The following PTPRD variants were observed in gnomAD, a reference collection of about 807,000 sequenced individuals.
PTPRD encodes the protein receptor-type tyrosine-protein phosphatase delta.
Under a neutral mutation model 214.5 loss-of-function variants are expected in PTPRD, and 34 were observed. That is an observed-to-expected ratio of 0.16 (90% CI 0.12 to 0.21). The LOEUF is 0.21. Among genes scored for constraint, PTPRD ranks in the 10% least tolerant of loss-of-function variants. The pLI is 1.00. For missense variants in PTPRD, 2,545 were observed against 2,398.7 expected, an observed-to-expected ratio of 1.06 and a Z score of -1.27; for synonymous variants, 1,128 against 845.7, an observed-to-expected ratio of 1.33 and a Z score of -5.79.
In PTPRD at chr9:8,314,567, G is replaced by C. The variant is rs1820883433; in HGVS notation, c.*3307C>G. The C allele has an allele frequency of 1.3e-5, 3 of 232,050 alleles. No homozygotes were observed. The highest frequency in any genetic ancestry group is 2.2e-5 in the African/African-American group (1 of 45,204). The allele number at this position is 232,050 out of a possible 1,614,324, so 14.4% of individuals were successfully genotyped here. A position where few individuals can be genotyped will look rare whatever the true frequency, so the allele number is the denominator to read the frequency against. On this transcript the variant is annotated 3_prime_UTR_variant, in exon 46 of 46. Coordinates refer to ENST00000381196, the MANE Select transcript of PTPRD (RefSeq NM_002839.4). Reference sequence around the variant, plus strand: ...AGCCACATAACGGATGGATAGAATGGATCTGTAGCCTTCTGATCTCTGCTG... The same window carrying C: ...AGCCACATAACGGATGGATAGAATGCATCTGTAGCCTTCTGATCTCTGCTG...
At chr9:9,633,293 C>T (rs149833321) in intron 7 of PTPRD, among the ~76,000 whole-genome samples, 18 of 151,134 alleles carry the variant, frequency 1.2e-4, no homozygotes, top group African/African-American at 4.1e-4. Context: ...GAGAGTGAGA[C>T]TCCATCTCAG....
chr9:9,868,343 T>A (rs1215577990), intron 5 of PTPRD, among the ~76,000 whole-genome samples: 2 of 152,048 alleles, frequency 1.3e-5, no homozygotes, highest in Admixed American at 1.3e-4. Context: ...TTAAATACAG[T>A]CCAAAATGCT....
In PTPRD at chr9:8,325,439, C is replaced by T. The variant is rs192282425; in HGVS notation, c.5535-5473G>A. Among the ~76,000 whole-genome samples the T allele has an allele frequency of 8.5e-4, 126 of 148,766 alleles. 2 individuals carry two copies. In the East Asian group the frequency reaches 0.018, roughly 21 times the overall value. On this transcript the variant is annotated intron_variant, in intron 44 of 45. Transcript: ENST00000381196. Reference sequence around the variant, plus strand: ...TTACTTCTGAGGCCTCTGTTCTGTTCCATTGGTCTATATCTCTGTTTTGGT... The same window carrying T: ...TTACTTCTGAGGCCTCTGTTCTGTTTCATTGGTCTATATCTCTGTTTTGGT...
In PTPRD at chr9:8,852,412, C is replaced by T. The variant is rs1384820679; in HGVS notation, c.-103-118466G>A. ...ATGTCAAGGAAGAAGCAAACTTAGC[C>T]TTTCTGGTCAATGAATTCAAAGAAC... On this transcript the variant is annotated intron_variant, in intron 11 of 45. Transcript: ENST00000381196. Among the ~76,000 whole-genome samples, 5 of 152,176 alleles carry T rather than the reference C, an allele frequency of 3.3e-5. No individual in the cohort carries two copies. In the East Asian group the frequency reaches 9.6e-4, roughly 29 times the overall value.
At chr9:8,460,663 A>ATTTC in intron 32 of PTPRD, 92 bp from the exon 33 acceptor site, 6 of 1,266,546 alleles carry the variant, frequency 4.7e-6, no homozygotes, top group African/African-American at 1.5e-5. Flanking sequence ...TCCAGGAAAT[A>ATTTC]GTGGATTTAA....
rs540650283 is a variant in PTPRD, at chr9:9,719,353, G to A, written c.-287+15180C>T. Among the ~76,000 whole-genome samples the A allele has an allele frequency of 2.0e-5, 3 of 152,176 alleles. No individual in the cohort carries two copies. In the East Asian group the frequency reaches 5.8e-4, roughly 30 times the overall value. On this transcript the variant is annotated intron_variant, in intron 7 of 45. Coordinates refer to ENST00000381196, the MANE Select transcript of PTPRD (RefSeq NM_002839.4). ...TCAAGATCCACCAAACAGTGGGAGTGAAAAAAGCCATAATATATTTCTGGC... is the reference window on the plus strand; with the variant it reads ...TCAAGATCCACCAAACAGTGGGAGTAAAAAAAGCCATAATATATTTCTGGC...
At chr9:9,224,995 G>A (rs2099958511) in intron 9 of PTPRD, among the ~76,000 whole-genome samples, 1 of 151,970 alleles carries the variant, frequency 6.6e-6, no homozygotes, top group South Asian at 2.1e-4. Flanking sequence ...ACTTGATCCA[G>A]TGAATTGGTT....
At chr9:8,645,711 T>C (rs967850020) in intron 12 of PTPRD, among the ~76,000 whole-genome samples, 5 of 146,950 alleles carry the variant, frequency 3.4e-5, no homozygotes, top group African/African-American at 7.5e-5. Context: ...AGTGAAAAGA[T>C]TATCTCCCAC....
chr9:9,523,662 G>C (rs1470247754), intron 8 of PTPRD, among the ~76,000 whole-genome samples: 2 of 152,086 alleles, frequency 1.3e-5, no homozygotes, highest in Non-Finnish European at 2.9e-5. Flanking sequence ...TTTTCAGTTC[G>C]ACTCATTTAC....
intron 14 of PTPRD, among the ~76,000 whole-genome samples, chr9:8,617,718 CT>C (rs1409203406): frequency 5.9e-5 from 9 of 151,912 alleles, no homozygotes; most frequent in Non-Finnish European, 2.9e-5. Context: ...TAAAATGAAA[CT>C]CTTGAGTAGA....
intron 8 of PTPRD, among the ~76,000 whole-genome samples, chr9:9,441,878 G>T (rs67141364): frequency 0.16 from 24,218 of 152,180 alleles, 2,044 homozygotes; most frequent in Middle Eastern, 0.27. Context: ...CTGAAACATC[G>T]CCTATGTGAT....
At chr9:8,750,031 G>C (rs574138351) in intron 11 of PTPRD, among the ~76,000 whole-genome samples, 1 of 152,034 alleles carries the variant, frequency 6.6e-6, no homozygotes, top group East Asian at 2.0e-4. Flanking sequence ...TGAACCCAGA[G>C]GCGGAGGTTG....
chr9:8,611,010 G>A (rs1343255121), intron 14 of PTPRD, among the ~76,000 whole-genome samples: 1 of 152,018 alleles, frequency 6.6e-6, no homozygotes, highest in Non-Finnish European at 1.5e-5. Context: ...ATATTATATG[G>A]TCCTCCATCT....
intron 11 of PTPRD, among the ~76,000 whole-genome samples, chr9:9,009,430 A>C (rs895312428): frequency 1.3e-5 from 2 of 152,002 alleles, no homozygotes; most frequent in Admixed American, 6.6e-5. Flanking sequence ...ATTTTATTTT[A>C]TTTTAAGTTC....
intron 3 of PTPRD, among the ~76,000 whole-genome samples, chr9:10,215,467 T>C (rs2099536971): frequency 6.6e-6 from 1 of 152,132 alleles, no homozygotes; most frequent in African/African-American, 2.4e-5. Context: ...CACATTTTAA[T>C]ATGTATCAGG....
intron 3 of PTPRD, among the ~76,000 whole-genome samples, chr9:10,176,117 A>C (rs561602545): frequency 2.3e-4 from 35 of 152,120 alleles, no homozygotes; most frequent in African/African-American, 8.2e-4. Flanking sequence ...GAGGAGCATA[A>C]ATTGTTACAT....
At chr9:8,758,113 C>G (rs2094148271) in intron 11 of PTPRD, among the ~76,000 whole-genome samples, 1 of 152,116 alleles carries the variant, frequency 6.6e-6, no homozygotes, top group East Asian at 1.9e-4. Flanking sequence ...CAGTGAGCCA[C>G]AAAAGCACAT....
At chr9:9,537,563 G>C (rs2076772095) in intron 8 of PTPRD, among the ~76,000 whole-genome samples, 1 of 151,916 alleles carries the variant, frequency 6.6e-6, no homozygotes, top group South Asian at 2.1e-4. Flanking sequence ...ACACATCTTA[G>C]AATCTGTTTT....
intron 2 of PTPRD, among the ~76,000 whole-genome samples, chr9:10,544,448 T>A (rs368502602): frequency 3.9e-5 from 6 of 152,192 alleles, no homozygotes; most frequent in African/African-American, 1.4e-4. Flanking sequence ...TGTTGCTTTT[T>A]TCTTTAACAG....
Sources: gnomAD v4.1 joint callset for allele counts (sites outside exome capture counted in the v4.1 genomes callset) on GRCh38, gnomAD v4.1.1 for gene constraint, MANE v1.5 for transcripts, NCBI Gene and HGNC (gene_info 2026-07-23, HGNC 2026-07-21) for gene names.